Variants in DNAJC2 observed in about 807,000 individuals in gnomAD.
DNAJC2 encodes dnaJ homolog subfamily C member 2.
In DNAJC2, 32 loss-of-function variants were observed where a neutral mutation model predicts 94.0. The ratio of observed to expected loss-of-function variants is 0.34; its 90% CI spans 0.26 to 0.46. The LOEUF (loss-of-function observed/expected upper bound fraction) is 0.46, where lower values mean the gene tolerates loss of function less well. Ranked by LOEUF, DNAJC2 falls within the 20% of genes least tolerant of loss-of-function variation. The pLI, the probability that DNAJC2 is intolerant of heterozygous loss-of-function variation, is 1.00. For synonymous variants in DNAJC2, 210 were observed against 229.7 expected (o/e 0.91, Z 0.77); for missense variants, 550 against 719.5 (o/e 0.76, Z 2.69).
intron 12 of DNAJC2, among the ~76,000 whole-genome samples, chr7:103,318,603 G>A (rs1818204606): frequency 6.6e-6 from 1 of 152,116 alleles, no homozygotes; most frequent in Non-Finnish European, 1.5e-5. Flanking sequence ...TGGTGCAACA[G>A]CATTAGGCAT....
At chr7:103,338,562 G>GC (rs1477456121) in intron 2 of DNAJC2, among the ~76,000 whole-genome samples, 1 of 151,706 alleles carries the variant, frequency 6.6e-6, no homozygotes, top group Non-Finnish European at 1.5e-5. Flanking sequence ...CTCCCAAAGG[G>GC]CCAAGGGATT....
At chr7:103,339,139 A>G (rs1356077677) in intron 2 of DNAJC2, among the ~76,000 whole-genome samples, 1 of 152,190 alleles carries the variant, frequency 6.6e-6, no homozygotes, top group South Asian at 2.1e-4. Flanking sequence ...TGGCCATCCT[A>G]TGGAACTTAT....
At chr7:103,344,054 G>A (rs542738270) in intron 1 of DNAJC2, among the ~76,000 whole-genome samples, 110 of 152,216 alleles carry the variant, frequency 7.2e-4, no homozygotes, top group Admixed American at 2.9e-3. Flanking sequence ...AGTCTACGCG[G>A]ATCTTTTCAG....
At chr7:103,328,181 G>A (rs967078405) in intron 3 of DNAJC2, among the ~76,000 whole-genome samples, 7 of 150,992 alleles carry the variant, frequency 4.6e-5, no homozygotes, top group Admixed American at 6.6e-5. Flanking sequence ...CTCGGCCTCC[G>A]AAAGTGCTGG....
chr7:103,325,601 C>T (rs1003886041), intron 5 of DNAJC2, among the ~76,000 whole-genome samples: 1 of 152,166 alleles, frequency 6.6e-6, no homozygotes, highest in Non-Finnish European at 1.5e-5. Context: ...GAAATTCAAA[C>T]CAATAAATCA....
chr7:103,317,319 C>G, intron 12 of DNAJC2: 1 of 292,750 alleles, frequency 3.4e-6, no homozygotes, highest in Non-Finnish European at 6.3e-6. Flanking sequence ...TATTCATCCA[C>G]AAGGCCATTT....
At chr7:103,326,402 C>T (rs1205149983) in intron 5 of DNAJC2, 141 bp downstream of exon 5, 2 of 809,422 alleles carry the variant, frequency 2.5e-6, no homozygotes, top group Non-Finnish European at 4.0e-6. Flanking sequence ...CTGAATATTG[C>T]AGAGAAGGAG....
rs941622564 is a variant in DNAJC2, at chr7:103,344,333, G to A, written c.64+226C>T. ...CCATGAGTCAGCAGCGGCGAGAGGA[G>A]GAAGCAACGGTAGGAGCAAAAGGAA... On this transcript the variant is annotated intron_variant, in intron 1 of 16. Transcript: ENST00000379263. 5 of 585,148 alleles carry A rather than the reference G, an allele frequency of 8.5e-6. No homozygotes were observed. In the African/African-American group the frequency reaches 9.4e-5, roughly 11 times the overall value. 36.2% of individuals were successfully genotyped at this position (585,148 alleles called of 1,614,324 possible).
intron 3 of DNAJC2, among the ~76,000 whole-genome samples, chr7:103,328,621 ACT>A (rs1038989100): frequency 1.3e-5 from 2 of 150,970 alleles, no homozygotes; most frequent in Non-Finnish European, 2.9e-5. Context: ...ACAGAGTGAG[ACT>A]CTGTGTCAAA....
intron 1 of DNAJC2, 196 bp downstream of exon 1, chr7:103,344,363 C>A: frequency 1.6e-6 from 1 of 608,992 alleles, no homozygotes; most frequent in East Asian, 2.8e-5. Flanking sequence ...AAGGAAGGCA[C>A]CCCTCACCCT....
At chr7:103,328,934 A>G (rs1427949782) in intron 3 of DNAJC2, 2 of 1,079,104 alleles carry the variant, frequency 1.9e-6, no homozygotes, top group Admixed American at 2.8e-5. Context: ...TTCTTAGGAT[A>G]TAATCACAGA....
chr7:103,314,457 C>T, intron 15 of DNAJC2: 1 of 985,392 alleles, frequency 1.0e-6, no homozygotes, highest in Non-Finnish European at 1.2e-6. Flanking sequence ...CACAGGGTCA[C>T]CTCTCCTCAC....
Position 103,341,861 on chromosome 7 carries a change from A to C in DNAJC2, c.158T>G (p.Leu53Arg). 1 of 1,613,272 alleles carries C rather than the reference A, an allele frequency of 6.2e-7. No homozygotes were observed. Among genetic ancestry groups the C allele is most frequent in the Non-Finnish European group, 8.5e-7 (1 of 1,179,806 alleles). Residue 53 changes from leucine to arginine, a missense_variant, in exon 2 of 17, where the codon CTG becomes CGG. Transcript: ENST00000379263. ...CTCGGATAACTCTTTCTTATCCTCC[A>C]GTTCCTGAAAAGAGGCAGAAGCATT... Reference protein sequence around the residue: ...NRNASASFQELEDKKELSEES... With the variant: ...NRNASASFQEREDKKELSEES...
At position 103,333,457 on chromosome 7, in the gene DNAJC2, A is replaced by G. The variant is rs182462274; in HGVS notation, c.331+4279T>C. ...CTCAAAAGAATATATTTAATTTCCA[A>G]GTGACTGGTATTTTTGGTTTGTTTA... On this transcript the variant is annotated intron_variant, in intron 3 of 16. Coordinates refer to ENST00000379263, the MANE Select transcript of DNAJC2 (RefSeq NM_014377.3). Among the ~76,000 whole-genome samples, 521 of 152,310 alleles carry G rather than the reference A, an allele frequency of 3.4e-3. 1 individual carries two copies. Among genetic ancestry groups the G allele is most frequent in the Non-Finnish European group, 6.2e-3 (420 of 68,030 alleles).
chr7:103,312,713 T>C, intron 16 of DNAJC2, 70 bp from the exon 17 acceptor site: 1 of 1,589,356 alleles, frequency 6.3e-7, no homozygotes, highest in East Asian at 2.2e-5. Context: ...TAGTGTTTGG[T>C]GTAAAGAATT....
chr7:103,320,711 T>A (rs1218565695), intron 10 of DNAJC2: 1 of 149,548 alleles, frequency 6.7e-6, no homozygotes, highest in Admixed American at 6.7e-5. Flanking sequence ...GCCACTGTAC[T>A]CCAGCCTGGG....
intron 5 of DNAJC2, 122 bp downstream of exon 5, chr7:103,326,421 G>C (rs1430006981): frequency 1.0e-6 from 1 of 968,308 alleles, no homozygotes; most frequent in African/African-American, 1.7e-5. Context: ...AGGAGGAGGA[G>C]GAAGAGACAG....
chr7:103,331,906 T>G (rs1818989215), intron 3 of DNAJC2, among the ~76,000 whole-genome samples: 1 of 152,222 alleles, frequency 6.6e-6, no homozygotes, highest in Non-Finnish European at 1.5e-5. Context: ...TTAATTCTAT[T>G]TTTAATTTTT....
chr7:103,343,950 A>C (rs771659129), intron 1 of DNAJC2, among the ~76,000 whole-genome samples: 9 of 152,120 alleles, frequency 5.9e-5, no homozygotes, highest in Non-Finnish European at 1.0e-4. Context: ...GGACCTGAAG[A>C]CTCTTAAGTT....
Sources: gnomAD v4.1 joint callset for allele counts (sites outside exome capture counted in the v4.1 genomes callset) on GRCh38, gnomAD v4.1.1 for gene constraint, MANE v1.5 for transcripts, NCBI Gene and HGNC (gene_info 2026-07-23, HGNC 2026-07-21) for gene names.